ARIH1: variants seen among roughly 807,000 people sequenced by gnomAD.
The protein encoded by ARIH1 is E3 ubiquitin-protein ligase ARIH1.
Under a neutral mutation model 85.0 loss-of-function variants are expected in ARIH1, and 8 were observed. That is an observed-to-expected ratio of 0.09 (90% CI 0.06 to 0.17). The LOEUF (loss-of-function observed/expected upper bound fraction) is 0.17. ARIH1 is among the 10% of genes least tolerant of loss of function. The probability of loss-of-function intolerance (pLI) is 1.00; values close to 1 mark genes in which losing one functional copy is unlikely to be tolerated. For missense variants in ARIH1, 311 were observed against 718.1 expected (o/e 0.43, Z 6.48); for synonymous variants, 238 against 253.6 (o/e 0.94, Z 0.59).
rs560839124 is a variant in ARIH1 at position 72,480,067 on chromosome 15, C to G, written c.375+5053C>G. Among the ~76,000 whole-genome samples the G allele has an allele frequency of 2.0e-5, 3 of 151,662 alleles. No homozygotes were observed. In the East Asian group the frequency reaches 5.9e-4, roughly 30 times the overall value. On this transcript the variant is annotated intron_variant, in intron 1 of 13. Transcript: ENST00000379887. ...GTATTTTTTAGTAGAGATGGGGTTT[C>G]ACCATGTTAGCCAGGATGATCTGGA...
intron 1 of ARIH1, among the ~76,000 whole-genome samples, chr15:72,488,301 T>A (rs1485179057): frequency 6.6e-6 from 1 of 152,220 alleles, no homozygotes; most frequent in Non-Finnish European, 1.5e-5. Context: ...GGTCTCGACC[T>A]CCTGGACTCA....
intron 2 of ARIH1, among the ~76,000 whole-genome samples, chr15:72,540,534 A>T (rs73444768): frequency 6.8e-4 from 103 of 152,290 alleles, no homozygotes; most frequent in African/African-American, 2.3e-3. Flanking sequence ...AACTTTGGTA[A>T]AAGAAAAAGA....
In ARIH1 at chr15:72,567,155, A is replaced by G. The variant is rs750348642; in HGVS notation, c.1004A>G (p.Asn335Ser). The G allele has an allele frequency of 3.7e-6, 6 of 1,611,946 alleles. No homozygotes were observed. Among genetic ancestry groups the G allele is most frequent in the African/African-American group, 1.3e-5 (1 of 74,746 alleles). The change falls in exon 9 of 14, where the codon AAT becomes AGT. Residue 335 changes from asparagine (N) to serine (S), a missense_variant. This residue lies in a region of ARIH1 where 50 missense variants were observed against 311.7 expected (regional missense o/e 0.16). Coordinates refer to ENST00000379887, the MANE Select transcript of ARIH1 (RefSeq NM_005744.5). The part of the protein sequence containing the change: ...KKCDDDSETS[N>S]WIAANTKECP... ...TGTGATGATGACAGTGAAACCTCCA[A>G]TTGGATTGCAGCCAACACAAAGGTT...
chr15:72,483,731 C>G (rs16953788), intron 1 of ARIH1, among the ~76,000 whole-genome samples: 2,296 of 151,488 alleles, frequency 0.015, 57 homozygotes, highest in Admixed American at 0.057. Context: ...AATAACCTTT[C>G]AGTGGCTTAA....
chr15:72,507,559 C>A (rs1466407830), intron 1 of ARIH1, among the ~76,000 whole-genome samples: 1 of 152,096 alleles, frequency 6.6e-6, no homozygotes, highest in Non-Finnish European at 1.5e-5. Context: ...GATGGCTGTG[C>A]ACAGTGGCTC....
Position 72,572,021 on chromosome 15 carries a change from G to A in ARIH1, c.1158-87G>A. On this transcript the variant is annotated intron_variant, in intron 10 of 13. Transcript: ENST00000379887. ...AGATAACGTTGGTGTTAGATAATCT[G>A]TAAATCCAGGTTAAAATTCTGATTT... 3 of 954,226 alleles carry A rather than the reference G, an allele frequency of 3.1e-6. No homozygotes were observed. In the South Asian group the frequency reaches 4.4e-5, roughly 14 times the overall value. 59.1% of individuals were successfully genotyped at this position (954,226 alleles called of 1,614,324 possible). A position where few individuals can be genotyped will look rare whatever the true frequency, so the allele number is the denominator to read the frequency against.
At chr15:72,568,188 C>T (rs938197890) in intron 9 of ARIH1, among the ~76,000 whole-genome samples, 5 of 152,008 alleles carry the variant, frequency 3.3e-5, no homozygotes, top group Non-Finnish European at 5.9e-5. Context: ...GCATAACTCA[C>T]GTCAATCAAA....
intron 1 of ARIH1, among the ~76,000 whole-genome samples, chr15:72,493,482 C>A (rs1479571561): frequency 1.3e-5 from 2 of 152,148 alleles, no homozygotes; most frequent in East Asian, 1.9e-4. Flanking sequence ...TTTGTTCATA[C>A]CCTCATTGCA....
intron 2 of ARIH1, among the ~76,000 whole-genome samples, chr15:72,529,115 G>A (rs1313129052): frequency 6.6e-6 from 1 of 152,114 alleles, no homozygotes; most frequent in African/African-American, 2.4e-5. Context: ...CAGGAGAATG[G>A]TGTGAACCCA....
At chr15:72,476,479 C>G (rs2063795533) in intron 1 of ARIH1, among the ~76,000 whole-genome samples, 1 of 152,206 alleles carries the variant, frequency 6.6e-6, no homozygotes, top group South Asian at 2.1e-4. Context: ...ATTCTCCTGC[C>G]TCGGCCTCCC....
rs980709794 is a variant in ARIH1 at position 72,593,470 on chromosome 15, T to G, written c.*10178T>G. ...AAGTTTTATGGTTTGGGATTTTATG[T>G]TTAGGTCTGTGATCCATCTCAAATT... On this transcript the variant is annotated 3_prime_UTR_variant, in exon 14 of 14. Transcript: ENST00000379887. The G allele has an allele frequency of 3.9e-5, 6 of 152,210 alleles. No homozygotes were observed. The highest frequency in any genetic ancestry group is 5.9e-5 in the Non-Finnish European group (4 of 68,024). The allele number at this position is 152,210 out of a possible 1,614,324, so 9.4% of individuals were successfully genotyped here.
chr15:72,591,252 AG>A lies in ARIH1; in HGVS notation c.*7961del, dbSNP rs2064342297. 1 of 151,664 alleles carries A rather than the reference AG, an allele frequency of 6.6e-6. No individual in the cohort carries two copies. Among genetic ancestry groups the A allele is most frequent in the Non-Finnish European group, 1.5e-5 (1 of 68,010 alleles). The allele number at this position is 151,664 out of a possible 1,614,324, so 9.4% of individuals were successfully genotyped here. A position where few individuals can be genotyped will look rare whatever the true frequency, so the allele number is the denominator to read the frequency against. ...AAAAAAAAAAAAAAAAAGAAGAAGA[AG>A]AAGAAATACAAAACCAACTCTTTAT... On this transcript the variant is annotated 3_prime_UTR_variant, in exon 14 of 14. Coordinates refer to ENST00000379887, the MANE Select transcript of ARIH1 (RefSeq NM_005744.5).
chr15:72,498,855 A>G (rs928072045), intron 1 of ARIH1, among the ~76,000 whole-genome samples: 1 of 152,110 alleles, frequency 6.6e-6, no homozygotes, highest in Non-Finnish European at 1.5e-5. Context: ...AAATAAAAAA[A>G]AAAAAGAACT....
chr15:72,524,459 C>T (rs1381750689), intron 2 of ARIH1, among the ~76,000 whole-genome samples: 4 of 152,152 alleles, frequency 2.6e-5, no homozygotes, highest in African/African-American at 9.7e-5. Flanking sequence ...AGTGATCCGC[C>T]CACCTTGGCC....
In ARIH1 at chr15:72,587,268, G is replaced by A. The variant is rs765891587; in HGVS notation, c.*3976G>A. The A allele has an allele frequency of 1.9e-6, 1 of 528,354 alleles. No individual in the cohort carries two copies. Among genetic ancestry groups the A allele is most frequent in the South Asian group, 1.4e-5 (1 of 70,712 alleles). The allele number at this position is 528,354 out of a possible 1,614,324, so 32.7% of individuals were successfully genotyped here. A position where few individuals can be genotyped will look rare whatever the true frequency, so the allele number is the denominator to read the frequency against. On this transcript the variant is annotated 3_prime_UTR_variant, in exon 14 of 14. Coordinates refer to ENST00000379887, the MANE Select transcript of ARIH1 (RefSeq NM_005744.5). ...ATCATATTTTGTTATTCTGGTCACA[G>A]AATGACCTAGTATTCTGTACCAGGG...
At chr15:72,520,884 C>T (rs143045903) in intron 2 of ARIH1, among the ~76,000 whole-genome samples, 1,981 of 151,990 alleles carry the variant, frequency 0.013, 53 homozygotes, top group African/African-American at 0.045. Flanking sequence ...CACTCTGTCA[C>T]CCAGGCTGGA....
rs2064353184 is a variant in ARIH1, at chr15:72,594,059, C to A, written c.*10767C>A. On this transcript the variant is annotated 3_prime_UTR_variant, in exon 14 of 14. Coordinates refer to ENST00000379887, the MANE Select transcript of ARIH1 (RefSeq NM_005744.5). Reference sequence around the variant, plus strand: ...ATTTATTTAGGTATTAAATTTTTTTCTCAGCAATGTTTTGTAGCTTCCCTT... The same window carrying A: ...ATTTATTTAGGTATTAAATTTTTTTATCAGCAATGTTTTGTAGCTTCCCTT... 6.6e-6 allele frequency: 1 copy of A among 151,944 alleles called. No individual in the cohort carries two copies. 9.4% of individuals were successfully genotyped at this position (151,944 alleles called of 1,614,324 possible). A position where few individuals can be genotyped will look rare whatever the true frequency, so the allele number is the denominator to read the frequency against.
At chr15:72,552,002 C>CA (rs2064154802) in intron 3 of ARIH1, among the ~76,000 whole-genome samples, 1 of 152,096 alleles carries the variant, frequency 6.6e-6, no homozygotes, top group Admixed American at 6.5e-5. Context: ...CATGAGAAAT[C>CA]AAGTACTCTT....
rs2064340342 is a variant in ARIH1 at position 72,590,960 on chromosome 15, C to G, written c.*7668C>G. Reference sequence around the variant, plus strand: ...AAACAAGGCTGGGCATGGCGGCTTACACCTTGTAATCCCAGCACTTTAGGA... The same window carrying G: ...AAACAAGGCTGGGCATGGCGGCTTAGACCTTGTAATCCCAGCACTTTAGGA... On this transcript the variant is annotated 3_prime_UTR_variant, in exon 14 of 14. Transcript: ENST00000379887. 6.6e-6 allele frequency: 1 copy of G among 152,082 alleles called. No homozygotes were observed. Among genetic ancestry groups the G allele is most frequent in the African/African-American group, 2.4e-5 (1 of 41,386 alleles). The allele number at this position is 152,082 out of a possible 1,614,324, so 9.4% of individuals were successfully genotyped here.
Sources: allele counts gnomAD v4.1 joint callset (sites outside exome capture counted in the v4.1 genomes callset), GRCh38; gene constraint gnomAD v4.1.1; regional missense constraint gnomAD v4.1.1; transcripts MANE v1.5; gene names NCBI Gene and HGNC (gene_info 2026-07-23, HGNC 2026-07-21).